CLDN10: variants seen among roughly 807,000 people sequenced by gnomAD.
CLDN10 encodes the protein claudin 10.
CLDN10 carries 15 observed loss-of-function variants against 22.9 expected under a neutral mutation model. The observed-to-expected ratio is 0.65, with a 90% confidence interval of 0.44 to 1.01. The LOEUF (loss-of-function observed/expected upper bound fraction) is 1.01, where lower values mean the gene tolerates loss of function less well. Ranked by LOEUF, CLDN10 falls within the 50% of genes least tolerant of loss-of-function variation. CLDN10 has a pLI of 0.00. For synonymous variants in CLDN10, 114 were observed against 111.4 expected, an observed-to-expected ratio of 1.02 and a Z score of -0.15; for missense variants, 247 against 287.8, an observed-to-expected ratio of 0.86 and a Z score of 1.03.
At chr13:95,537,783 G>T (rs1416156465) in intron 1 of CLDN10, among the ~76,000 whole-genome samples, 2 of 152,144 alleles carry the variant, frequency 1.3e-5, no homozygotes, top group Admixed American at 1.3e-4. Flanking sequence ...GCTGGGGTGC[G>T]GTAGCCATGA....
intron 1 of CLDN10, among the ~76,000 whole-genome samples, chr13:95,435,058 A>G (rs993436569): frequency 3.8e-4 from 58 of 152,210 alleles, no homozygotes; most frequent in African/African-American, 1.2e-3. Flanking sequence ...CGTTGTGCAT[A>G]TTAGAAACTC....
At chr13:95,548,599 T>A (rs1160032644), upstream of CLDN10, among the ~76,000 whole-genome samples, 1 of 152,214 alleles carries the variant, frequency 6.6e-6, no homozygotes, top group Non-Finnish European at 1.5e-5. Context: ...ATTACAAATA[T>A]CATTGGATTT....
Position 95,572,366 on chromosome 13 carries a change from A to G in CLDN10, c.465-4865A>G, listed in dbSNP as rs535834348. Among the ~76,000 whole-genome samples the G allele has an allele frequency of 1.1e-3, 172 of 152,328 alleles. 1 individual carries two copies. Among genetic ancestry groups the G allele is most frequent in the African/African-American group, 3.9e-3 (162 of 41,580 alleles). On this transcript the variant is annotated intron_variant, in intron 3 of 4. Transcript: ENST00000299339. ...CAATTAAGAGCTTCGGTTTGCAATC[A>G]CAGTTATGGGTTTTAAATCCTGGGT... is the stretch of plus-strand genomic sequence containing the variant.
intron 1 of CLDN10, among the ~76,000 whole-genome samples, chr13:95,489,847 C>T (rs937542303): frequency 3.3e-5 from 5 of 152,140 alleles, no homozygotes; most frequent in African/African-American, 9.7e-5. Flanking sequence ...TTTATAGTTT[C>T]AGGTCTTAGG....
At chr13:95,481,228 T>A (rs1159414819) in intron 1 of CLDN10, among the ~76,000 whole-genome samples, 1 of 152,158 alleles carries the variant, frequency 6.6e-6, no homozygotes, top group Non-Finnish European at 1.5e-5. Flanking sequence ...TGCAGACTCA[T>A]AATTTTAAAA....
At chr13:95,477,429 A>G (rs998075254) in intron 1 of CLDN10, among the ~76,000 whole-genome samples, 1 of 152,078 alleles carries the variant, frequency 6.6e-6, no homozygotes, top group Non-Finnish European at 1.5e-5. Context: ...TTGGGATGCG[A>G]GCTCTGGGTT....
chr13:95,480,448 G>A (rs2042733871), intron 1 of CLDN10, among the ~76,000 whole-genome samples: 1 of 152,224 alleles, frequency 6.6e-6, no homozygotes, highest in South Asian at 2.1e-4. Flanking sequence ...GGCCAGATGC[G>A]GAAGAGAGAT....
chr13:95,454,557 G>T (rs1483797296), intron 1 of CLDN10, among the ~76,000 whole-genome samples: 1 of 152,204 alleles, frequency 6.6e-6, no homozygotes, highest in Non-Finnish European at 1.5e-5. Context: ...CTGCTGTGGG[G>T]TTGTGGATTG....
intron 1 of CLDN10, among the ~76,000 whole-genome samples, chr13:95,501,107 G>C (rs990381503): frequency 5.3e-5 from 8 of 151,886 alleles, no homozygotes; most frequent in Admixed American, 5.2e-4. Flanking sequence ...TCCACCTCCT[G>C]GGTTTAAGCG....
chr13:95,479,459 A>AT (rs1165429285), intron 1 of CLDN10: 1 of 152,184 alleles, frequency 6.6e-6, no homozygotes, highest in African/African-American at 2.4e-5. Context: ...ATTGTCAAAT[A>AT]TTTTTATTGC....
intron 1 of CLDN10, among the ~76,000 whole-genome samples, chr13:95,517,270 G>A (rs2043178934): frequency 6.6e-6 from 1 of 151,850 alleles, no homozygotes. Context: ...CCCTTGCTTA[G>A]GAGCTGGCGA....
At chr13:95,532,991 A>G (rs2043361654) in intron 1 of CLDN10, among the ~76,000 whole-genome samples, 1 of 151,916 alleles carries the variant, frequency 6.6e-6, no homozygotes, top group South Asian at 2.1e-4. Flanking sequence ...ATCGACTGGG[A>G]AGGAGTATGA....
At chr13:95,577,762 G>A (rs2043956256) in intron 4 of CLDN10, 138 bp from the exon 5 acceptor site, 1 of 575,446 alleles carries the variant, frequency 1.7e-6, no homozygotes, top group Non-Finnish European at 3.1e-6. Flanking sequence ...CTTGGGGCAA[G>A]AGGAGAGAAG....
chr13:95,554,741 T>C (rs2043612205), intron 1 of CLDN10, among the ~76,000 whole-genome samples: 1 of 152,226 alleles, frequency 6.6e-6, no homozygotes, highest in African/African-American at 2.4e-5. Flanking sequence ...GTGACTTGAC[T>C]CTGTGTAACT....
chr13:95,439,612 G>A (rs113924976), intron 1 of CLDN10, among the ~76,000 whole-genome samples: 1,907 of 152,070 alleles, frequency 0.013, 44 homozygotes, highest in African/African-American at 0.043. Flanking sequence ...GGGATTACAC[G>A]CATGAGCCAC....
chr13:95,510,862 T>A (rs951754285), intron 1 of CLDN10, among the ~76,000 whole-genome samples: 3 of 152,114 alleles, frequency 2.0e-5, no homozygotes, highest in Non-Finnish European at 4.4e-5. Context: ...ATAAACCAGT[T>A]GGAAACTTAC....
chr13:95,558,501 G>T (rs2043665882), intron 1 of CLDN10, among the ~76,000 whole-genome samples: 1 of 152,212 alleles, frequency 6.6e-6, no homozygotes, highest in African/African-American at 2.4e-5. Flanking sequence ...ACAATGGAAG[G>T]TCACTGTCCT....
At chr13:95,469,035 C>A (rs2042605312) in intron 1 of CLDN10, among the ~76,000 whole-genome samples, 1 of 151,744 alleles carries the variant, frequency 6.6e-6, no homozygotes, top group Admixed American at 6.6e-5. Flanking sequence ...CAGAAAATAT[C>A]ATATCAGAGA....
intron 1 of CLDN10, 64 bp downstream of exon 1, chr13:95,553,037 C>A: frequency 6.3e-7 from 1 of 1,580,620 alleles, no homozygotes. Flanking sequence ...GCTAGGCGCC[C>A]TCTCGCCCCC....
Sources: allele counts gnomAD v4.1 joint callset (sites outside exome capture counted in the v4.1 genomes callset), GRCh38; gene constraint gnomAD v4.1.1; transcripts MANE v1.5; gene names NCBI Gene and HGNC (gene_info 2026-07-23, HGNC 2026-07-21).